Variants in KATNAL2 observed in about 807,000 individuals in gnomAD.
KATNAL2 encodes katanin catalytic subunit A1 like 2.
Under a neutral mutation model 76.3 loss-of-function variants are expected in KATNAL2, and 52 were observed. The observed-to-expected ratio is 0.68, with a 90% CI of 0.55 to 0.86. The LOEUF is 0.86. Among genes scored for constraint, KATNAL2 ranks in the 40% least tolerant of loss-of-function variants. The pLI, the probability that KATNAL2 is intolerant of heterozygous loss-of-function variation, is 0.00. For synonymous variants in KATNAL2, 243 were observed against 244.2 expected, an observed-to-expected ratio of 1.00 and a Z score of 0.05; for missense variants, 660 against 668.9, an observed-to-expected ratio of 0.99 and a Z score of 0.15.
intron 3 of KATNAL2, among the ~76,000 whole-genome samples, chr18:47,043,085 A>G (rs924439947): frequency 2.0e-5 from 3 of 151,918 alleles, no homozygotes; most frequent in Non-Finnish European, 4.4e-5. Context: ...AAATTAGCCG[A>G]GCGTGGTGGC....
chr18:47,070,539 C>T (rs1048309105), intron 13 of KATNAL2, among the ~76,000 whole-genome samples: 1 of 152,174 alleles, frequency 6.6e-6, no homozygotes, highest in African/African-American at 2.4e-5. Context: ...CAGTGTAAGA[C>T]AGGTCCTTCT....
At position 47,099,259 on chromosome 18, in the gene KATNAL2, A is replaced by G. The variant is rs758685285; in HGVS notation, c.1228A>G (p.Met410Val). ...TGATTTCAGGGAGCTGGACTGTGCC[A>G]TGTTACGCCGCCTGGAGAAGAGGAT... ...SNLPWELDCAMLRRLEKRILV... is the reference protein window; with the variant it reads ...SNLPWELDCAVLRRLEKRILV... Residue 410 changes from methionine to valine, a missense_variant, in exon 16 of 18, where the codon ATG (methionine) becomes GTG (valine). By Grantham distance (21) the Met-to-Val change is conservative. Transcript: ENST00000683218. 1.9e-6 allele frequency: 3 copies of G among 1,613,600 alleles called. No individual in the cohort carries two copies. The highest frequency in any genetic ancestry group is 1.1e-5 in the South Asian group (1 of 90,944).
rs1318804702 is a variant in KATNAL2 at position 47,052,947 on chromosome 18, G to A, written c.190G>A (p.Asp64Asn). ...GGGGTTACGACGGTTTGAAGTTTGT[G>A]ACAACATTGATCTTGAAACTATTTT... ...KLGLRRFEVC[D>N]NIDLETILME... is the part of the protein sequence containing the mutation. Residue 64 changes from aspartate to asparagine, a missense_variant, in exon 5 of 18, where the codon GAC (aspartate) becomes AAC (asparagine). Asp to Asn is a conservative substitution (Grantham distance 23). Coordinates refer to ENST00000683218, the MANE Select transcript of KATNAL2 (RefSeq NM_001387690.1). 3.1e-6 allele frequency: 5 copies of A among 1,612,154 alleles called. No homozygotes were observed. The African/African-American group carries it at 6.7e-5, about 22-fold the overall frequency.
At chr18:47,054,281 T>G (rs1006890817) in intron 5 of KATNAL2, 115 bp from the exon 6 acceptor site, 102 of 892,154 alleles carry the variant, frequency 1.1e-4, no homozygotes, top group Non-Finnish European at 1.8e-4. Flanking sequence ...TAGATTCCAA[T>G]TGGTTAAAAC....
chr18:46,944,606 G>A (rs939786779), intron 1 of KATNAL2, among the ~76,000 whole-genome samples: 1 of 152,100 alleles, frequency 6.6e-6, no homozygotes, highest in Non-Finnish European at 1.5e-5. Context: ...GTGGTGGTAG[G>A]TGCCTGTAAT....
Position 47,077,340 on chromosome 18 carries a change from T to A in KATNAL2, c.1101-11T>A. 2.5e-6 allele frequency: 4 copies of A among 1,603,364 alleles called. No individual in the cohort carries two copies. The highest frequency in any genetic ancestry group is 1.7e-4 in the Middle Eastern group (1 of 6,036). ...TGACACTTAGGAGAATCACGTCTTGTCTCTCTGTAGGGGAGAACATGAAGG... is the reference window on the plus strand; with the variant it reads ...TGACACTTAGGAGAATCACGTCTTGACTCTCTGTAGGGGAGAACATGAAGG... On this transcript the variant is annotated splice_polypyrimidine_tract_variant and intron_variant, in intron 14 of 17. Coordinates refer to ENST00000683218, the MANE Select transcript of KATNAL2 (RefSeq NM_001387690.1).
chr18:46,923,406 T>C (rs1164553396), intron 1 of KATNAL2, among the ~76,000 whole-genome samples: 1 of 151,986 alleles, frequency 6.6e-6, no homozygotes, highest in Non-Finnish European at 1.5e-5. Context: ...GAACTCATCA[T>C]TTTTTATGGC....
chr18:47,043,136 T>A (rs754772656), intron 3 of KATNAL2, among the ~76,000 whole-genome samples: 9 of 148,430 alleles, frequency 6.1e-5, no homozygotes, highest in Admixed American at 2.1e-4. Context: ...CTGAGGCAGG[T>A]GAATGGCGTG....
chr18:46,926,904 C>T (rs1273150447), intron 1 of KATNAL2, among the ~76,000 whole-genome samples: 1 of 152,286 alleles, frequency 6.6e-6, no homozygotes, highest in East Asian at 1.9e-4. Context: ...ACTAGGATTG[C>T]AACCCCTGTC....
intron 4 of KATNAL2, among the ~76,000 whole-genome samples, chr18:47,047,463 A>G (rs2061196415): frequency 6.6e-6 from 1 of 151,824 alleles, no homozygotes; most frequent in Non-Finnish European, 1.5e-5. Context: ...CCTAAACCCA[A>G]CTCTCTTCTT....
intron 14 of KATNAL2, chr18:47,076,493 G>C (rs2289131): frequency 6.6e-6 from 1 of 151,968 alleles, no homozygotes; most frequent in Non-Finnish European, 1.5e-5. Context: ...TTGTTGTTAC[G>C]TGTGCTTTGT....
At chr18:47,078,086 ACATT>A (rs989279579) in intron 15 of KATNAL2, among the ~76,000 whole-genome samples, 1 of 152,188 alleles carries the variant, frequency 6.6e-6, no homozygotes. Context: ...GTTTTCACAT[ACATT>A]ATTTCTTTCA....
In KATNAL2 at chr18:46,930,379, A is replaced by T. The variant is rs541293578; in HGVS notation, c.-510+12453A>T. 5.9e-5 allele frequency among the ~76,000 whole-genome samples: 9 copies of T among 152,328 alleles called. No individual in the cohort carries two copies. In the East Asian group the frequency reaches 1.5e-3, roughly 26 times the overall value. The stretch of plus-strand genomic sequence containing the variant: ...TAATTTGTCACTACTATTAAAATTT[A>T]TAGACTATGAGTTAAATGACCTAGA... On this transcript the variant is annotated intron_variant, in intron 1 of 17. Coordinates refer to ENST00000683218, the MANE Select transcript of KATNAL2 (RefSeq NM_001387690.1).
chr18:47,090,873 T>C lies in KATNAL2; in HGVS notation c.1212-8370T>C, dbSNP rs2062972366. On this transcript the variant is annotated intron_variant, in intron 15 of 17. Transcript: ENST00000683218. ...GCTGGGCTCACTGTGGAAGACAAAG[T>C]ACCCTTCAATGCTTAATCATTGGCT... 3.3e-5 allele frequency among the ~76,000 whole-genome samples: 5 copies of C among 152,174 alleles called. No homozygotes were observed. In the South Asian group the frequency reaches 1.0e-3, roughly 32 times the overall value.
chr18:47,075,103 A>T (rs1471476191), intron 13 of KATNAL2, among the ~76,000 whole-genome samples, 174 bp from the exon 14 acceptor site: 1 of 152,170 alleles, frequency 6.6e-6, no homozygotes, highest in Non-Finnish European at 1.5e-5. Context: ...GGACCATCCA[A>T]CCCCATGGGG....
intron 15 of KATNAL2, among the ~76,000 whole-genome samples, chr18:47,077,927 A>C (rs1568004808): frequency 3.9e-5 from 6 of 152,212 alleles, no homozygotes; most frequent in Admixed American, 1.3e-4. Context: ...ATCTACTCTC[A>C]GAGTCTTATT....
chr18:47,052,817 C>T (rs979433220), intron 4 of KATNAL2, 63 bp from the exon 5 acceptor site: 3 of 1,257,870 alleles, frequency 2.4e-6, no homozygotes, highest in African/African-American at 3.0e-5. Flanking sequence ...ACTTGTAATG[C>T]CTGTTAGCCA....
chr18:47,075,924 AG>A (rs1368032278), intron 14 of KATNAL2, among the ~76,000 whole-genome samples: 2 of 152,264 alleles, frequency 1.3e-5, no homozygotes, highest in African/African-American at 4.8e-5. Context: ...CTCAGCAGGC[AG>A]GAACACTTCT....
rs140869613 is a variant in KATNAL2 at position 46,961,079 on chromosome 18, T to C, written c.51+14156T>C. Among the ~76,000 whole-genome samples the C allele has an allele frequency of 3.3e-5, 5 of 152,328 alleles. No homozygotes were observed. In the East Asian group the frequency reaches 9.6e-4, roughly 29 times the overall value. ...TGCATTAGCTAATACAACAGAAAGT[T>C]TTGCAATGCTTCCTCATACAATGTC... On this transcript the variant is annotated intron_variant, in intron 3 of 17. Transcript: ENST00000683218.
Sources: gnomAD v4.1 joint callset for allele counts (sites outside exome capture counted in the v4.1 genomes callset) on GRCh38, gnomAD v4.1.1 for gene constraint, MANE v1.5 for transcripts, NCBI Gene and HGNC (gene_info 2026-07-23, HGNC 2026-07-21) for gene names.